LMAN2: variants seen among roughly 807,000 people sequenced by gnomAD.
The protein encoded by LMAN2 is lectin, mannose binding 2.
LMAN2 carries 22 observed loss-of-function variants against 39.3 expected under a neutral mutation model. The observed-to-expected ratio is 0.56, with a 90% CI of 0.40 to 0.80. The LOEUF is 0.80. LMAN2 is among the 30% of genes least tolerant of loss of function. The pLI is 0.00. For missense variants in LMAN2, 494 were observed against 505.4 expected (o/e 0.98, Z 0.22); for synonymous variants, 207 against 207.8 (o/e 1.00, Z 0.03).
intron 2 of LMAN2, among the ~76,000 whole-genome samples, chr5:177,343,742 A>G (rs1242639207): frequency 1.3e-5 from 2 of 152,262 alleles, no homozygotes; most frequent in Non-Finnish European, 2.9e-5. Context: ...TAGAATAGTC[A>G]AATTTACAGA....
chr5:177,339,248 CA>C (rs1164350693), intron 2 of LMAN2, among the ~76,000 whole-genome samples: 2 of 152,214 alleles, frequency 1.3e-5, no homozygotes, highest in African/African-American at 4.8e-5. Flanking sequence ...CATCCACTGC[CA>C]CATCCACCCT....
At chr5:177,345,467 C>T (rs1239594368) in intron 2 of LMAN2, among the ~76,000 whole-genome samples, 1 of 151,172 alleles carries the variant, frequency 6.6e-6, no homozygotes, top group Non-Finnish European at 1.5e-5. Context: ...ATGTTATATG[C>T]ATTTACAACA....
rs781677039 is a variant in LMAN2, at chr5:177,332,164, G to C, written c.993C>G (p.Leu331=). Residue 331 remains leucine (L), a synonymous_variant, in exon 8 of 8, where the codon CTC becomes CTG. Transcript: ENST00000303127. The surrounding 1 kb of genome is among the most constrained non-coding windows in gnomAD (Gnocchi z 6.3). The part of the protein sequence containing the change: ...WRVFLLLLCA[L]LGIVVCAVVG... ...CCACGGCGCAGACAACGATGCCCAGGAGAGCGCACAGCAGCAGCAGGAACA... is the reference window on the plus strand; with the variant it reads ...CCACGGCGCAGACAACGATGCCCAGCAGAGCGCACAGCAGCAGCAGGAACA... The C allele has an allele frequency of 6.2e-7, 1 of 1,613,724 alleles. No homozygotes were observed. Among genetic ancestry groups the C allele is most frequent in the Non-Finnish European group, 8.5e-7 (1 of 1,179,980 alleles).
intron 2 of LMAN2, among the ~76,000 whole-genome samples, chr5:177,348,806 C>T (rs1761677575): frequency 6.7e-6 from 1 of 149,026 alleles, no homozygotes; most frequent in African/African-American, 2.5e-5. Flanking sequence ...ATCACTTGAA[C>T]CAGGAAGGCG....
intron 2 of LMAN2, among the ~76,000 whole-genome samples, chr5:177,342,596 G>C (rs1421296269): frequency 6.6e-6 from 1 of 151,996 alleles, no homozygotes; most frequent in Non-Finnish European, 1.5e-5. Flanking sequence ...TGAGGCAGGA[G>C]GATCACTTGA....
chr5:177,340,360 G>C (rs565154247), intron 2 of LMAN2, among the ~76,000 whole-genome samples: 20 of 152,106 alleles, frequency 1.3e-4, no homozygotes, highest in Non-Finnish European at 2.2e-4. Context: ...TTTAGATACA[G>C]GGGCTACATG....
At position 177,337,540 on chromosome 5, in the gene LMAN2, C is replaced by A. The variant is rs1022057011; in HGVS notation, c.514-16G>T. 1 of 1,612,478 alleles carries A rather than the reference C, an allele frequency of 6.2e-7. No homozygotes were observed. The highest frequency in any genetic ancestry group is 8.5e-7 in the Non-Finnish European group (1 of 1,178,740). ...GGAACACGCGCTGGGACCAAGACAT[C>A]GGTTACTCCACAAGCAGCCCAGCCT... On this transcript the variant is annotated splice_polypyrimidine_tract_variant and intron_variant, in intron 4 of 7. Transcript: ENST00000303127. This position sits in a 1 kb window ranked among gnomAD's most constrained non-coding sequence, Gnocchi z 8.2.
At chr5:177,348,961 T>C (rs1319912308) in intron 2 of LMAN2, among the ~76,000 whole-genome samples, 1 of 152,160 alleles carries the variant, frequency 6.6e-6, no homozygotes, top group East Asian at 1.9e-4. Context: ...TGAACAGTTT[T>C]AGTTTAAAAT....
chr5:177,351,532 A>G lies in LMAN2; in HGVS notation c.116T>C (p.Leu39Ser), dbSNP rs11541336. 8.3e-4 allele frequency: 1,341 copies of G among 1,614,248 alleles called. 9 individuals are homozygous for G. In the African/African-American group the frequency reaches 0.016, roughly 19 times the overall value. The change falls in exon 1 of 8, where the codon TTG becomes TCG. Residue 39 changes from leucine (L) to serine (S), a missense_variant. Transcript: ENST00000303127. ...PTTPLFLLLLLGSVTADITDG... is the reference protein window; with the variant it reads ...PTTPLFLLLLSGSVTADITDG... ...AGTTATATCCGCAGTCACAGACCCC[A>G]ACAACAAAAGAAGAAAGAGAGGTGT...
rs893626103 is a variant in LMAN2, at chr5:177,332,377, C to T, written c.911-131G>A. The T allele has an allele frequency of 1.4e-5, 11 of 798,914 alleles. No homozygotes were observed. Among genetic ancestry groups the T allele is most frequent in the Non-Finnish European group, 2.0e-5 (10 of 503,734 alleles). The allele number at this position is 798,914 out of a possible 1,614,324, so 49.5% of individuals were successfully genotyped here. On this transcript the variant is annotated intron_variant, in intron 7 of 7. Coordinates refer to ENST00000303127, the MANE Select transcript of LMAN2 (RefSeq NM_006816.3). The surrounding 1 kb of genome is among the most constrained non-coding windows in gnomAD (Gnocchi z 6.3). ...GGCCGGTCGTACTCACCCCCCTCAC[C>T]GGGGAGGGGCAGAGGTCAGGTGAAG...
chr5:177,350,632 T>A (rs1226045494), intron 2 of LMAN2, among the ~76,000 whole-genome samples: 2 of 152,192 alleles, frequency 1.3e-5, no homozygotes, highest in Non-Finnish European at 2.9e-5. Flanking sequence ...GGCTTAGAGA[T>A]CAGACAAATC....
intron 2 of LMAN2, among the ~76,000 whole-genome samples, chr5:177,348,486 A>C (rs1483693953): frequency 6.6e-6 from 1 of 152,084 alleles, no homozygotes. Flanking sequence ...CAGGAGTCGG[A>C]GACCAGCCTC....
chr5:177,343,241 G>A lies in LMAN2; in HGVS notation c.316-4636C>T, dbSNP rs150918920. ...CTGCACTCCAGCCTGGCGACAGGGC[G>A]AGACTTCATCTCAATAAATAAATAA... On this transcript the variant is annotated intron_variant, in intron 2 of 7. Transcript: ENST00000303127. 3.9e-5 allele frequency among the ~76,000 whole-genome samples: 6 copies of A among 152,280 alleles called. No homozygotes were observed. The East Asian group carries it at 7.7e-4, about 20-fold the overall frequency.
intron 2 of LMAN2, among the ~76,000 whole-genome samples, chr5:177,343,255 A>G: frequency 6.6e-6 from 1 of 152,190 alleles, no homozygotes; most frequent in Admixed American, 6.5e-5. Context: ...CTTCATCTCA[A>G]TAAATAAATA....
chr5:177,351,232 GGCTCGT>G lies in LMAN2; in HGVS notation c.250_255del (p.Thr84_Ser85del). 1 of 1,614,176 alleles carries G rather than the reference GGCTCGT, an allele frequency of 6.2e-7. No homozygotes were observed. The highest frequency in any genetic ancestry group is 8.5e-7 in the Non-Finnish European group (1 of 1,180,036). ...TCGTCAGGGGTCAGACGTACGTACT[GGCTCGT>G]GAGCATAGTGCTGCCCTGGAAGTCC... On this transcript the variant is annotated inframe_deletion, in exon 2 of 8. Coordinates refer to ENST00000303127, the MANE Select transcript of LMAN2 (RefSeq NM_006816.3).
intron 2 of LMAN2, among the ~76,000 whole-genome samples, chr5:177,350,933 A>C (rs571960031): frequency 6.6e-6 from 1 of 152,310 alleles, no homozygotes; most frequent in South Asian, 2.1e-4. Flanking sequence ...AATGGAGATA[A>C]CATTACTCAT....
intron 7 of LMAN2, 109 bp downstream of exon 7, chr5:177,334,175 A>T: frequency 6.7e-7 from 1 of 1,486,342 alleles, no homozygotes; most frequent in Non-Finnish European, 8.9e-7. Flanking sequence ...AAGAGCCCAG[A>T]CCACAACCAC....
chr5:177,332,250 G>C lies in LMAN2; in HGVS notation c.911-4C>G, dbSNP rs765826442. ...CCCGTGGGGTCGTCCACGTTGTCTG[G>C]GGGAGAAGAAACGGGGGAGCTGAAA... is the stretch of plus-strand genomic sequence containing the variant. On this transcript the variant is annotated splice_region_variant and splice_polypyrimidine_tract_variant and intron_variant, in intron 7 of 7. Transcript: ENST00000303127. This position sits in a 1 kb window ranked among gnomAD's most constrained non-coding sequence, Gnocchi z 6.3. 1 of 1,611,574 alleles carries C rather than the reference G, an allele frequency of 6.2e-7. No individual in the cohort carries two copies. Among genetic ancestry groups the C allele is most frequent in the Non-Finnish European group, 8.5e-7 (1 of 1,179,310 alleles).
At position 177,331,856 on chromosome 5, in the gene LMAN2, A is replaced by C. The variant is rs1581599635; in HGVS notation, c.*230T>G. The stretch of plus-strand genomic sequence containing the variant: ...AGACACAGACCCCTGCTCCTGAGAC[A>C]CCAGCCCCAGGAGAGCCTCCGTCTC... On this transcript the variant is annotated 3_prime_UTR_variant, in exon 8 of 8. Transcript: ENST00000303127. 1 of 495,752 alleles carries C rather than the reference A, an allele frequency of 2.0e-6. No homozygotes were observed. The highest frequency in any genetic ancestry group is 3.6e-6 in the Non-Finnish European group (1 of 279,706). The allele number at this position is 495,752 out of a possible 1,614,324, so 30.7% of individuals were successfully genotyped here.
Sources: gnomAD v4.1 joint callset for allele counts (sites outside exome capture counted in the v4.1 genomes callset) on GRCh38, gnomAD v4.1.1 for gene constraint, Gnocchi (gnomAD v3.1) non-coding constraint, MANE v1.5 for transcripts, NCBI Gene and HGNC (gene_info 2026-07-23, HGNC 2026-07-21) for gene names.